The following TAFA4 variants were observed in gnomAD, a reference collection of about 807,000 sequenced individuals.
The protein encoded by TAFA4 is chemokine-like protein TAFA-4.
A neutral mutation model predicts 21.1 loss-of-function variants in TAFA4; 20 were observed. The observed-to-expected ratio is 0.95, with a 90% CI of 0.67 to 1.38. The LOEUF (loss-of-function observed/expected upper bound fraction) is 1.38, where lower values mean the gene tolerates loss of function less well. Among genes scored for constraint, TAFA4 ranks in the 40% most tolerant of loss-of-function variants. The pLI is 0.00. For synonymous variants in TAFA4, 71 were observed against 67.4 expected, an observed-to-expected ratio of 1.05 and a Z score of -0.26; for missense variants, 211 against 180.9, an observed-to-expected ratio of 1.17 and a Z score of -0.95.
intron 3 of TAFA4, among the ~76,000 whole-genome samples, chr3:68,794,281 C>T (rs1391509807): frequency 6.6e-6 from 1 of 152,090 alleles, no homozygotes; most frequent in Non-Finnish European, 1.5e-5. Context: ...AAGAACTAAT[C>T]ATTAACATGG....
At chr3:68,785,859 G>C (rs1703250312) in intron 3 of TAFA4, among the ~76,000 whole-genome samples, 1 of 152,232 alleles carries the variant, frequency 6.6e-6, no homozygotes, top group Non-Finnish European at 1.5e-5. Context: ...CTTTTCTTAA[G>C]AGGCATCTAA....
At chr3:68,788,330 A>T (rs1703299846) in intron 3 of TAFA4, among the ~76,000 whole-genome samples, 1 of 152,272 alleles carries the variant, frequency 6.6e-6, no homozygotes, top group Middle Eastern at 3.4e-3. Flanking sequence ...CTCACTTGGA[A>T]CATTCTTACC....
intron 3 of TAFA4, among the ~76,000 whole-genome samples, chr3:68,758,434 T>C (rs1379410315): frequency 1.3e-5 from 2 of 152,030 alleles, no homozygotes; most frequent in Non-Finnish European, 2.9e-5. Context: ...ATAAGTCTCA[T>C]GAGATCTGAT....
intron 3 of TAFA4, among the ~76,000 whole-genome samples, chr3:68,836,622 T>C (rs1402342550): frequency 2.0e-5 from 3 of 152,352 alleles, no homozygotes; most frequent in African/African-American, 7.2e-5. Context: ...GGAACTCTTA[T>C]AGGTAGTAGA....
chr3:68,859,356 CCT>C (rs1456793309), intron 3 of TAFA4, among the ~76,000 whole-genome samples: 1 of 152,120 alleles, frequency 6.6e-6, no homozygotes, highest in African/African-American at 2.4e-5. Context: ...CCTTCCTCCC[CCT>C]GAGACACTTA....
intron 3 of TAFA4, among the ~76,000 whole-genome samples, chr3:68,763,046 T>C (rs1413785251): frequency 1.3e-5 from 2 of 152,334 alleles, no homozygotes; most frequent in South Asian, 2.1e-4. Context: ...TTTTCCTTTT[T>C]CTTTTTGAGA....
At chr3:68,894,203 G>C (rs1489277296) in intron 1 of TAFA4, among the ~76,000 whole-genome samples, 1 of 149,358 alleles carries the variant, frequency 6.7e-6, no homozygotes, top group Non-Finnish European at 1.5e-5. Context: ...CTGTCACCCA[G>C]GTTGGAGTGC....
intron 3 of TAFA4, among the ~76,000 whole-genome samples, chr3:68,832,930 G>A (rs754152806): frequency 2.6e-5 from 4 of 152,234 alleles, no homozygotes; most frequent in Non-Finnish European, 5.9e-5. Flanking sequence ...CCCTTCCCCC[G>A]CCCATCTCCA....
intron 3 of TAFA4, among the ~76,000 whole-genome samples, chr3:68,808,757 C>A (rs546224314): frequency 6.6e-6 from 1 of 152,200 alleles, no homozygotes; most frequent in Non-Finnish European, 1.5e-5. Context: ...GGTTAAGTTA[C>A]ACTGCAATAA....
At chr3:68,775,393 A>G (rs1365041844) in intron 3 of TAFA4, among the ~76,000 whole-genome samples, 2 of 152,122 alleles carry the variant, frequency 1.3e-5, no homozygotes, top group Non-Finnish European at 2.9e-5. Flanking sequence ...TCCCTCCCCA[A>G]ACCACCTTAC....
At chr3:68,869,580 A>C (rs1268334534) in intron 3 of TAFA4, among the ~76,000 whole-genome samples, 3 of 152,132 alleles carry the variant, frequency 2.0e-5, no homozygotes, top group Non-Finnish European at 4.4e-5. Context: ...TAAACATGAT[A>C]CATCAGATTA....
intron 3 of TAFA4, among the ~76,000 whole-genome samples, chr3:68,848,946 A>G (rs926862270): frequency 2.7e-5 from 4 of 149,588 alleles, no homozygotes; most frequent in African/African-American, 5.0e-5. Context: ...AAAAAAAAAA[A>G]TGTACCTAGC....
chr3:68,828,211 C>G (rs1220595546), intron 3 of TAFA4, among the ~76,000 whole-genome samples: 1 of 152,076 alleles, frequency 6.6e-6, no homozygotes, highest in East Asian at 1.9e-4. Context: ...ATTTCTGAGG[C>G]CTCTGTTCTG....
intron 3 of TAFA4, among the ~76,000 whole-genome samples, chr3:68,797,935 AAATGGT>A (rs1703487532): frequency 6.6e-6 from 1 of 152,222 alleles, no homozygotes; most frequent in Non-Finnish European, 1.5e-5. Flanking sequence ...AAAATTGGTA[AAATGGT>A]AAATTCTATG....
intron 3 of TAFA4, among the ~76,000 whole-genome samples, chr3:68,787,567 G>A (rs946416650): frequency 5.3e-5 from 8 of 152,076 alleles, no homozygotes; most frequent in African/African-American, 7.2e-5. Context: ...AACGTCCATC[G>A]GCATCACGGG....
intron 1 of TAFA4, among the ~76,000 whole-genome samples, chr3:68,912,475 G>T (rs34090480): frequency 0.024 from 3,614 of 152,246 alleles, 91 homozygotes; most frequent in East Asian, 0.1. Flanking sequence ...ACACTATATT[G>T]GGTTTTTATT....
chr3:68,737,931 A>AT (rs1164272470), intron 5 of TAFA4, among the ~76,000 whole-genome samples: 1 of 152,198 alleles, frequency 6.6e-6, no homozygotes, highest in Non-Finnish European at 1.5e-5. Context: ...TGGTCATGTC[A>AT]TTTTTCATTC....
At chr3:68,853,252 G>C (rs890603298) in intron 3 of TAFA4, among the ~76,000 whole-genome samples, 1 of 151,636 alleles carries the variant, frequency 6.6e-6, no homozygotes, top group Non-Finnish European at 1.5e-5. Flanking sequence ...TTTTTTCTCT[G>C]CTAGTATTCT....
At chr3:68,900,663 A>G (rs993473864) in intron 1 of TAFA4, among the ~76,000 whole-genome samples, 1 of 152,164 alleles carries the variant, frequency 6.6e-6, no homozygotes, top group African/African-American at 2.4e-5. Flanking sequence ...GGCAAAGATC[A>G]GGCCTCTTCT....
Sources: gnomAD v4.1 joint callset for allele counts (sites outside exome capture counted in the v4.1 genomes callset) on GRCh38, gnomAD v4.1.1 for gene constraint, MANE v1.5 for transcripts, NCBI Gene and HGNC (gene_info 2026-07-23, HGNC 2026-07-21) for gene names.